The following PCDHGB3 variants were observed in gnomAD, a reference collection of about 807,000 sequenced individuals.
The protein encoded by PCDHGB3 is protocadherin gamma-B3.
In PCDHGB3, 40 loss-of-function variants were observed where a neutral mutation model predicts 59.2. That is an observed-to-expected ratio of 0.68 (90% CI 0.52 to 0.88). PCDHGB3 has a LOEUF of 0.88. PCDHGB3 is among the 40% of genes least tolerant of loss of function. The pLI is 0.00. For missense variants in PCDHGB3, 1,309 were observed against 1,187.9 expected, an observed-to-expected ratio of 1.10 and a Z score of -1.50; for synonymous variants, 581 against 503.6, an observed-to-expected ratio of 1.15 and a Z score of -2.06.
At chr5:141,381,826 C>CTTTTTTTTT (rs770630741) in intron 1 of PCDHGB3, among the ~76,000 whole-genome samples, 22 of 74,282 alleles carry the variant, frequency 3.0e-4, no homozygotes, top group African/African-American at 5.6e-4. Context: ...CTTTCTTCTT[C>CTTTTTTTTT]TTTTTTTTTT....
chr5:141,404,790 A>T, intron 1 of PCDHGB3: 1 of 1,611,288 alleles, frequency 6.2e-7, no homozygotes, highest in East Asian at 2.2e-5. Context: ...AAGGCCAGTG[A>T]GCCAGGGCTC....
rs747917835 is a variant in PCDHGB3 at position 141,487,659 on chromosome 5, AT to A, written c.2416-7147del. 3.7e-6 allele frequency: 6 copies of A among 1,613,466 alleles called. No homozygotes were observed. Among genetic ancestry groups the A allele is most frequent in the Non-Finnish European group, 5.1e-6 (6 of 1,179,716 alleles). On this transcript the variant is annotated intron_variant, in intron 1 of 3. Coordinates refer to ENST00000576222, the MANE Select transcript of PCDHGB3 (RefSeq NM_018924.5). This position sits in a 1 kb window ranked among gnomAD's most constrained non-coding sequence, Gnocchi z 5.0. ...CAACAAATGCTTGAGGGTTATTCTGATCCAGGCATATGGCTAGGCCATGTCC... is the reference window on the plus strand; with the variant it reads ...CAACAAATGCTTGAGGGTTATTCTGACCAGGCATATGGCTAGGCCATGTCC...
rs1266306917 is a variant in PCDHGB3 at position 141,403,005 on chromosome 5, C to A, written c.2415+30196C>A. ...CGCGGAAGATTAGTCCTGCTATGCTCGCTCCTGGGGATGCTATGGGAGGCC... is the reference window on the plus strand; with the variant it reads ...CGCGGAAGATTAGTCCTGCTATGCTAGCTCCTGGGGATGCTATGGGAGGCC... On this transcript the variant is annotated intron_variant, in intron 1 of 3. Transcript: ENST00000576222. The A allele has an allele frequency of 2.5e-6, 4 of 1,613,960 alleles. No homozygotes were observed. The East Asian group carries it at 8.9e-5, about 36-fold the overall frequency.
At chr5:141,383,189 C>A (rs1588938013) in intron 1 of PCDHGB3, 1 of 1,614,068 alleles carries the variant, frequency 6.2e-7, no homozygotes, top group Non-Finnish European at 8.5e-7. Context: ...GAGATCTGCG[C>A]TCAGAGTGCG....
At chr5:141,422,812 T>A in intron 1 of PCDHGB3, 1 of 1,614,206 alleles carries the variant, frequency 6.2e-7, no homozygotes, top group Non-Finnish European at 8.5e-7. Context: ...GTTTCGAGAC[T>A]TAGAACTGAG....
At chr5:141,381,657 C>T (rs1224064730) in intron 1 of PCDHGB3, among the ~76,000 whole-genome samples, 5 of 152,134 alleles carry the variant, frequency 3.3e-5, no homozygotes, top group East Asian at 1.9e-4. Context: ...AAATGGGTTG[C>T]TTCTATAGCT....
rs1015821056 is a variant in PCDHGB3 at position 141,397,642 on chromosome 5, T to C, written c.2415+24833T>C. On this transcript the variant is annotated intron_variant, in intron 1 of 3. Coordinates refer to ENST00000576222, the MANE Select transcript of PCDHGB3 (RefSeq NM_018924.5). Reference sequence around the variant, plus strand: ...TAGTTCTAGCTAAGAGTTCAAGGTATGTTTGCAGAATGGTGAAAGAATGGA... The same window carrying C: ...TAGTTCTAGCTAAGAGTTCAAGGTACGTTTGCAGAATGGTGAAAGAATGGA... Among the ~76,000 whole-genome samples, 3 of 152,236 alleles carry C rather than the reference T, an allele frequency of 2.0e-5. No individual in the cohort carries two copies. The East Asian group carries it at 5.8e-4, about 29-fold the overall frequency.
In PCDHGB3 at chr5:141,432,688, A is replaced by T; in HGVS notation, c.2415+59879A>T. 1 of 1,613,896 alleles carries T rather than the reference A, an allele frequency of 6.2e-7. No homozygotes were observed. The highest frequency in any genetic ancestry group is 1.1e-5 in the South Asian group (1 of 91,078). ...GAGACGCGCTCAAGCAGAGCCTCGTAGTGGCCGTCCAGGACCACGGCCAGC... is the reference window on the plus strand; with the variant it reads ...GAGACGCGCTCAAGCAGAGCCTCGTTGTGGCCGTCCAGGACCACGGCCAGC... On this transcript the variant is annotated intron_variant, in intron 1 of 3. Transcript: ENST00000576222. This position sits in a 1 kb window ranked among gnomAD's most constrained non-coding sequence, Gnocchi z 6.0.
At chr5:141,494,889 A>G (rs2099757275) in intron 2 of PCDHGB3, 24 bp downstream of exon 2, 1 of 1,613,844 alleles carries the variant, frequency 6.2e-7, no homozygotes, top group Admixed American at 1.7e-5. Context: ...TCTCCAGCCC[A>G]CCCTCTTCTC....
At chr5:141,374,556 A>G in intron 1 of PCDHGB3, 3 of 1,613,690 alleles carry the variant, frequency 1.9e-6, no homozygotes, top group Non-Finnish European at 1.7e-6. Context: ...ATGGAGGTCT[A>G]TGACCCTGAT....
Position 141,372,555 on chromosome 5 carries a change from C to T in PCDHGB3, c.2161C>T (p.Pro721Ser). 1 of 1,614,046 alleles carries T rather than the reference C, an allele frequency of 6.2e-7. No individual in the cohort carries two copies. The highest frequency in any genetic ancestry group is 8.5e-7 in the Non-Finnish European group (1 of 1,179,892). ...CCTGCGCCTGCGATGCTCCTCCAGA[C>T]CCGCCACTGAGGGCTACTTTCAGCC... ...ISLRLRCSSR[P>S]ATEGYFQPGV... Residue 721 changes from proline (P) to serine (S), a missense_variant, in exon 1 of 4, where the codon CCC (proline) becomes TCC (serine). Transcript: ENST00000576222.
intron 1 of PCDHGB3, among the ~76,000 whole-genome samples, chr5:141,483,057 C>T (rs1329609397): frequency 6.6e-6 from 1 of 152,028 alleles, no homozygotes; most frequent in African/African-American, 2.4e-5. Flanking sequence ...TGCACTCCAG[C>T]ATGGGCAACA....
At chr5:141,376,549 TC>T in intron 1 of PCDHGB3, 1 of 1,612,110 alleles carries the variant, frequency 6.2e-7, no homozygotes, top group South Asian at 1.1e-5. Context: ...AATCTGATCT[TC>T]CCGCAACCCA....
chr5:141,488,175 T>C (rs889217562), intron 1 of PCDHGB3, among the ~76,000 whole-genome samples: 1 of 152,168 alleles, frequency 6.6e-6, no homozygotes, highest in Non-Finnish European at 1.5e-5. Context: ...AGTGGTGGCA[T>C]AGATCTTTTG....
Position 141,370,856 on chromosome 5 carries a change from G to A in PCDHGB3, c.462G>A (p.Leu154=), listed in dbSNP as rs752174657. The change falls in exon 1 of 4, where the codon CTG becomes CTA. Residue 154 remains leucine (L), a synonymous_variant. Coordinates refer to ENST00000576222, the MANE Select transcript of PCDHGB3 (RefSeq NM_018924.5). ...ELALTGATFA[L]ESAQDPDVGV... ...CTCTCACTGGAGCCACATTTGCCCT[G>A]GAATCTGCGCAAGATCCTGATGTAG... The A allele has an allele frequency of 1.9e-6, 3 of 1,613,928 alleles. No homozygotes were observed. The East Asian group carries it at 6.7e-5, about 36-fold the overall frequency.
intron 1 of PCDHGB3, chr5:141,478,544 C>G (rs1371505487): frequency 6.2e-7 from 1 of 1,605,660 alleles, no homozygotes; most frequent in Admixed American, 1.7e-5. Flanking sequence ...CCCTCCCGGA[C>G]AGGTAAGGTT....
rs143252334 is a variant in PCDHGB3 at position 141,431,395 on chromosome 5, T to A, written c.2415+58586T>A. On this transcript the variant is annotated intron_variant, in intron 1 of 3. Transcript: ENST00000576222. The surrounding 1 kb of genome is among the most constrained non-coding windows in gnomAD (Gnocchi z 4.8). ...AAAAGGCTGCTCACCACCTGGTCCT[T>A]ACGGCCTCCGACGGGGGCGACCCGG... 2 of 1,613,720 alleles carry A rather than the reference T, an allele frequency of 1.2e-6. No individual in the cohort carries two copies. Among genetic ancestry groups the A allele is most frequent in the African/African-American group, 2.7e-5 (2 of 74,950 alleles).
intron 1 of PCDHGB3, among the ~76,000 whole-genome samples, chr5:141,470,694 ATAATTT>A (rs2099236876): frequency 6.6e-6 from 1 of 151,978 alleles, no homozygotes; most frequent in African/African-American, 2.4e-5. Context: ...GAAATTCTTA[ATAATTT>A]TTATTTTATT....
At chr5:141,395,095 C>G in intron 1 of PCDHGB3, 1 of 1,614,174 alleles carries the variant, frequency 6.2e-7, no homozygotes, top group Non-Finnish European at 8.5e-7. Flanking sequence ...TCCCTCACCG[C>G]CGACTCGCGG....
Sources: allele counts gnomAD v4.1 joint callset (sites outside exome capture counted in the v4.1 genomes callset), GRCh38; gene constraint gnomAD v4.1.1; non-coding constraint Gnocchi (gnomAD v3.1); transcripts MANE v1.5; gene names NCBI Gene and HGNC (gene_info 2026-07-23, HGNC 2026-07-21).